The following CCDC179 variants were observed in gnomAD, a reference collection of about 807,000 sequenced individuals.
The protein encoded by CCDC179 is coiled-coil domain containing 179, also known as coiled-coil domain-containing protein 179.
Under a neutral mutation model 12.0 loss-of-function variants are expected in CCDC179, and 17 were observed. The observed-to-expected ratio is 1.42, with a 90% CI of 0.97 to 2.13. The LOEUF (loss-of-function observed/expected upper bound fraction) is 2.13, where lower values mean the gene tolerates loss of function less well. CCDC179 is among the 30% of genes most tolerant of loss of function. The probability of loss-of-function intolerance (pLI) is 0.00; values close to 1 mark genes in which losing one functional copy is unlikely to be tolerated. For missense variants in CCDC179, 83 were observed against 78.6 expected, an observed-to-expected ratio of 1.06 and a Z score of -0.21; for synonymous variants, 27 against 26.4, an observed-to-expected ratio of 1.02 and a Z score of -0.07.
chr11:22,848,448 G>GA (rs1031006414), intron 3 of CCDC179, among the ~76,000 whole-genome samples: 74 of 136,710 alleles, frequency 5.4e-4, no homozygotes, highest in Middle Eastern at 3.7e-3. Context: ...TGTCTCAAAA[G>GA]AAAAAAAAAA....
chr11:22,859,778 G>A (rs1001689681), intron 1 of CCDC179, among the ~76,000 whole-genome samples: 12 of 152,216 alleles, frequency 7.9e-5, no homozygotes, highest in African/African-American at 2.9e-4. Flanking sequence ...AGATATATTC[G>A]GGAGGGAAAG....
At chr11:22,849,773 T>A (rs1051557590) in intron 3 of CCDC179, among the ~76,000 whole-genome samples, 1 of 152,122 alleles carries the variant, frequency 6.6e-6, no homozygotes, top group Non-Finnish European at 1.5e-5. Flanking sequence ...AGCTACATTG[T>A]CTGGGGTAGA....
intron 3 of CCDC179, among the ~76,000 whole-genome samples, chr11:22,849,931 C>T (rs897746681): frequency 2.6e-5 from 4 of 152,096 alleles, no homozygotes; most frequent in Admixed American, 1.3e-4. Context: ...AGAGGAAAGA[C>T]GGGCCGGTGG....
chr11:22,852,089 A>G (rs1858418392), intron 3 of CCDC179, among the ~76,000 whole-genome samples: 1 of 152,200 alleles, frequency 6.6e-6, no homozygotes, highest in Non-Finnish European at 1.5e-5. Flanking sequence ...GGAAATACAC[A>G]ACTCCTGTTC....
Position 22,859,451 on chromosome 11 carries a change from C to A in CCDC179, c.90+1G>T, listed in dbSNP as rs559891958. 1 of 1,487,550 alleles carries A rather than the reference C, an allele frequency of 6.7e-7. No homozygotes were observed. Among genetic ancestry groups the A allele is most frequent in the South Asian group, 1.4e-5 (1 of 72,876 alleles). 92.1% of individuals were successfully genotyped at this position (1,487,550 alleles called of 1,614,324 possible). On this transcript the variant is annotated splice_donor_variant, in intron 2 of 3. Coordinates refer to ENST00000532798, the MANE Select transcript of CCDC179 (RefSeq NM_001195637.2). LOFTEE classifies it high-confidence loss of function. ...AACCTAGTTCTTTATTTAAACATTA[C>A]CTGCCGCTCAGTGACCTCTGAAGGA...
chr11:22,849,426 G>A (rs1858317469), intron 3 of CCDC179, among the ~76,000 whole-genome samples: 1 of 152,080 alleles, frequency 6.6e-6, no homozygotes, highest in East Asian at 1.9e-4. Flanking sequence ...CCAGTTGGTG[G>A]GATGAATGGT....
chr11:22,853,237 A>G (rs1199145920), intron 3 of CCDC179, among the ~76,000 whole-genome samples: 2 of 152,208 alleles, frequency 1.3e-5, no homozygotes, highest in African/African-American at 4.8e-5. Context: ...AAGACACACT[A>G]AAGGGCAGAA....
intron 3 of CCDC179, among the ~76,000 whole-genome samples, chr11:22,855,449 G>A (rs1357641056): frequency 6.6e-6 from 1 of 151,394 alleles, no homozygotes; most frequent in Non-Finnish European, 1.5e-5. Context: ...CTTACAACTA[G>A]CACATAGATC....
chr11:22,858,366 CTCT>C (rs1196721995), intron 2 of CCDC179, among the ~76,000 whole-genome samples: 1 of 151,920 alleles, frequency 6.6e-6, no homozygotes, highest in Non-Finnish European at 1.5e-5. Flanking sequence ...AGGGAATTTT[CTCT>C]ATAGAAATAT....
intron 2 of CCDC179, among the ~76,000 whole-genome samples, chr11:22,858,306 G>T (rs1432948710): frequency 6.6e-6 from 1 of 151,926 alleles, no homozygotes; most frequent in Non-Finnish European, 1.5e-5. Context: ...CAGACTCATG[G>T]ATTAGTGTGC....
At position 22,860,388 on chromosome 11, in the gene CCDC179, G is replaced by T; in HGVS notation, c.34C>A (p.Gln12Lys). 6.5e-7 allele frequency: 1 copy of T among 1,535,616 alleles called. No homozygotes were observed. The highest frequency in any genetic ancestry group is 8.7e-7 in the Non-Finnish European group (1 of 1,146,658). Residue 12 changes from glutamine (Q) to lysine (K), a missense_variant, in exon 1 of 4, where the codon CAA (glutamine) becomes AAA (lysine). Coordinates refer to ENST00000532798, the MANE Select transcript of CCDC179 (RefSeq NM_001195637.2). ...CCCAGCAGACTCACAGGGTTGACTT[G>T]GGAAGGCTCGATGTCCCAGCAATAC... ...CLYCWDIEPS[Q>K]VNPEGPRQHH...
At chr11:22,854,570 A>G (rs531225063) in intron 3 of CCDC179, among the ~76,000 whole-genome samples, 2 of 151,958 alleles carry the variant, frequency 1.3e-5, no homozygotes, top group South Asian at 2.1e-4. Flanking sequence ...AATAAAATAA[A>G]GCAAGTATAA....
intron 3 of CCDC179, among the ~76,000 whole-genome samples, chr11:22,852,377 A>G (rs1858427845): frequency 6.6e-6 from 1 of 152,240 alleles, no homozygotes; most frequent in Non-Finnish European, 1.5e-5. Context: ...CCACAAGGTT[A>G]GGAGGATGAG....
chr11:22,851,298 A>G (rs1190622852), intron 3 of CCDC179, among the ~76,000 whole-genome samples: 1 of 151,934 alleles, frequency 6.6e-6, no homozygotes, highest in African/African-American at 2.4e-5. Context: ...AACAAAGCCA[A>G]TGGGTTGAAC....
At chr11:22,858,075 T>G (rs1037808628) in intron 2 of CCDC179, 49 bp from the exon 3 acceptor site, 2 of 1,192,116 alleles carry the variant, frequency 1.7e-6, no homozygotes, top group Non-Finnish European at 1.1e-6. Context: ...TTGTAACATA[T>G]AAAGGTAACA....
rs778653337 is a variant in CCDC179 at position 22,847,135 on chromosome 11, A to G, written c.*375T>C. On this transcript the variant is annotated 3_prime_UTR_variant, in exon 4 of 4. Transcript: ENST00000532798. ...TAAATGGAAGTCATTATAAATATAC[A>G]GCAGAGGAAATCTGGTGTTCTATTA... is the stretch of plus-strand genomic sequence containing the variant. 1.3e-4 allele frequency: 21 copies of G among 159,716 alleles called. No homozygotes were observed. Among genetic ancestry groups the G allele is most frequent in the Non-Finnish European group, 2.0e-4 (15 of 73,236 alleles). The allele number at this position is 159,716 out of a possible 1,614,324, so 9.9% of individuals were successfully genotyped here.
intron 3 of CCDC179, among the ~76,000 whole-genome samples, chr11:22,850,052 C>T (rs1858335423): frequency 6.6e-6 from 1 of 152,132 alleles, no homozygotes; most frequent in South Asian, 2.1e-4. Context: ...GAAGGCTGGC[C>T]ACCTCACTCT....
At chr11:22,852,316 A>T (rs1169890477) in intron 3 of CCDC179, among the ~76,000 whole-genome samples, 3 of 152,194 alleles carry the variant, frequency 2.0e-5, no homozygotes, top group African/African-American at 7.2e-5. Flanking sequence ...TTTATAGTTT[A>T]ATAATAGCCC....
At chr11:22,847,595 T>C (rs1034804325) in intron 3 of CCDC179, 74 bp from the exon 4 acceptor site, 28 of 748,250 alleles carry the variant, frequency 3.7e-5, no homozygotes, top group Middle Eastern at 3.9e-4. Flanking sequence ...AGATATACTA[T>C]AAATTATTTG....
Sources: gnomAD v4.1 joint callset for allele counts (sites outside exome capture counted in the v4.1 genomes callset) on GRCh38, gnomAD v4.1.1 for gene constraint, MANE v1.5 for transcripts, NCBI Gene and HGNC (gene_info 2026-07-23, HGNC 2026-07-21) for gene names.